ROBO1: variants seen among roughly 807,000 people sequenced by gnomAD.
The protein encoded by ROBO1 is roundabout homolog 1.
Under a neutral mutation model 195.9 loss-of-function variants are expected in ROBO1, and 149 were observed. The ratio of observed to expected loss-of-function variants is 0.76; its 90% CI spans 0.67 to 0.87. The LOEUF is 0.87. Among genes scored for constraint, ROBO1 ranks in the 40% least tolerant of loss-of-function variants. The pLI is 0.00. For missense variants in ROBO1, 1,933 were observed against 2,068.3 expected (o/e 0.93, Z 1.27); for synonymous variants, 816 against 733.2 (o/e 1.11, Z -1.82).
At position 79,564,045 on chromosome 3, in the gene ROBO1, A is replaced by AAAC. The variant is rs10662814; in HGVS notation, c.88+25778_88+25779insGTT. 1.2e-4 allele frequency among the ~76,000 whole-genome samples: 18 copies of AAAC among 151,780 alleles called. No individual in the cohort carries two copies. In the East Asian group the frequency reaches 3.3e-3, roughly 28 times the overall value. On this transcript the variant is annotated intron_variant, in intron 2 of 30. Coordinates refer to ENST00000464233, the MANE Select transcript of ROBO1 (RefSeq NM_002941.4). The stretch of plus-strand genomic sequence containing the variant: ...TGTAAATGGTAAAATTAAAAAAAAA[A>AAAC]CATAATGAAAGGTGGATGACAGTTT...
intron 2 of ROBO1, among the ~76,000 whole-genome samples, chr3:79,213,838 T>G (rs2082007473): frequency 6.8e-6 from 1 of 146,590 alleles, no homozygotes; most frequent in Non-Finnish European, 1.5e-5. Flanking sequence ...TTTTTTTTTT[T>G]TGTGAGAGAG....
At chr3:79,767,105 AC>A (rs1559568129) in intron 1 of ROBO1, among the ~76,000 whole-genome samples, 1 of 152,054 alleles carries the variant, frequency 6.6e-6, no homozygotes, top group Non-Finnish European at 1.5e-5. Flanking sequence ...CTGCCTACAT[AC>A]CGCCAAGAGT....
At chr3:79,295,707 G>T (rs2032552385) in intron 2 of ROBO1, among the ~76,000 whole-genome samples, 1 of 152,034 alleles carries the variant, frequency 6.6e-6, no homozygotes, top group Non-Finnish European at 1.5e-5. Flanking sequence ...TCATACCCAT[G>T]AAGTTTTTGT....
At chr3:78,903,635 T>C (rs1319015794) in intron 4 of ROBO1, among the ~76,000 whole-genome samples, 3 of 151,948 alleles carry the variant, frequency 2.0e-5, no homozygotes, top group Non-Finnish European at 2.9e-5. Flanking sequence ...TAGAAATTAA[T>C]AGAAGAAATT....
At chr3:79,356,800 C>T (rs774028585) in intron 2 of ROBO1, among the ~76,000 whole-genome samples, 18 of 152,258 alleles carry the variant, frequency 1.2e-4, no homozygotes, top group Admixed American at 6.5e-4. Context: ...GACTGAAAGA[C>T]ATTCGCAGGG....
intron 3 of ROBO1, among the ~76,000 whole-genome samples, chr3:79,078,490 A>G (rs1354580648): frequency 6.6e-6 from 1 of 151,810 alleles, no homozygotes; most frequent in Non-Finnish European, 1.5e-5. Context: ...GATTAAGAAC[A>G]AAAGCTCCAG....
chr3:78,636,182 T>C (rs1437027212), intron 22 of ROBO1, 74 bp from the exon 23 acceptor site: 12 of 1,088,624 alleles, frequency 1.1e-5, no homozygotes, highest in Non-Finnish European at 1.6e-5. Flanking sequence ...TTTACGTAGC[T>C]TTGCGAGTCA....
chr3:79,225,491 A>C (rs1187895120), intron 2 of ROBO1, among the ~76,000 whole-genome samples: 1 of 152,148 alleles, frequency 6.6e-6, no homozygotes. Context: ...TGAATGAGCA[A>C]ATTCTAATTT....
chr3:79,116,231 C>G (rs1477166173), intron 3 of ROBO1, among the ~76,000 whole-genome samples: 1 of 152,042 alleles, frequency 6.6e-6, no homozygotes, highest in Non-Finnish European at 1.5e-5. Flanking sequence ...ACCCACAAGC[C>G]TCTTCCTGTA....
At chr3:79,500,134 T>TC (rs1939985306) in intron 2 of ROBO1, among the ~76,000 whole-genome samples, 1 of 139,142 alleles carries the variant, frequency 7.2e-6, no homozygotes, top group Middle Eastern at 3.3e-3. Flanking sequence ...TTTTTTTTTT[T>TC]TTTTTTTTTT....
intron 2 of ROBO1, among the ~76,000 whole-genome samples, chr3:79,212,234 A>G (rs566751529): frequency 3.3e-5 from 5 of 152,244 alleles, no homozygotes; most frequent in African/African-American, 1.2e-4. Flanking sequence ...GCAGAGATTT[A>G]GTTTATGGCC....
intron 10 of ROBO1, among the ~76,000 whole-genome samples, chr3:78,677,631 AAAT>A (rs1412344863): frequency 4.0e-5 from 6 of 151,576 alleles, no homozygotes; most frequent in Non-Finnish European, 7.4e-5. Context: ...TAACTATCCT[AAAT>A]ATATATGCAC....
rs531035222 is a variant in ROBO1, at chr3:78,861,985, T to C, written c.499+76616A>G. On this transcript the variant is annotated intron_variant, in intron 4 of 30. Coordinates refer to ENST00000464233, the MANE Select transcript of ROBO1 (RefSeq NM_002941.4). ...CAGACCAGCTCTCCAAAGATGTCTA[T>C]GCCTTAATCCCTAGAACACGTGAAT... Among the ~76,000 whole-genome samples, 7 of 152,304 alleles carry C rather than the reference T, an allele frequency of 4.6e-5. No homozygotes were observed. In the East Asian group the frequency reaches 1.2e-3, roughly 25 times the overall value.
chr3:78,776,086 C>A (rs2083497234), intron 4 of ROBO1, among the ~76,000 whole-genome samples: 1 of 151,954 alleles, frequency 6.6e-6, no homozygotes, highest in African/African-American at 2.4e-5. Flanking sequence ...TTTATTGTTT[C>A]TTTTCCCCAC....
intron 2 of ROBO1, chr3:79,527,922 G>C (rs571908380): frequency 6.6e-6 from 1 of 152,444 alleles, no homozygotes; most frequent in African/African-American, 2.4e-5. Flanking sequence ...TGACACTTCC[G>C]TATGAAAAAA....
intron 3 of ROBO1, among the ~76,000 whole-genome samples, chr3:78,987,129 CTTT>C (rs5850408): frequency 6.4e-5 from 8 of 125,206 alleles, no homozygotes; most frequent in African/African-American, 8.8e-5. Flanking sequence ...AAAAAAACTG[CTTT>C]TTTTTTTTTT....
At chr3:79,412,678 T>C (rs1203422937) in intron 2 of ROBO1, among the ~76,000 whole-genome samples, 1 of 152,100 alleles carries the variant, frequency 6.6e-6, no homozygotes, top group Non-Finnish European at 1.5e-5. Flanking sequence ...GTGGGATTTC[T>C]GTATTCAGAG....
At chr3:79,748,398 T>C (rs893860863) in intron 1 of ROBO1, among the ~76,000 whole-genome samples, 3 of 152,334 alleles carry the variant, frequency 2.0e-5, no homozygotes, top group African/African-American at 7.2e-5. Flanking sequence ...ATGGGAGAGA[T>C]TGATTATGGG....
chr3:79,116,812 C>T (rs778425521), intron 3 of ROBO1, among the ~76,000 whole-genome samples: 4 of 152,034 alleles, frequency 2.6e-5, no homozygotes, highest in South Asian at 2.1e-4. Context: ...GCTACCAGGT[C>T]GGGCCAATTT....
Sources: gnomAD v4.1 joint callset for allele counts (sites outside exome capture counted in the v4.1 genomes callset) on GRCh38, gnomAD v4.1.1 for gene constraint, MANE v1.5 for transcripts, NCBI Gene and HGNC (gene_info 2026-07-23, HGNC 2026-07-21) for gene names.